Variants in NELL1 observed in about 807,000 individuals in gnomAD.
NELL1 encodes protein kinase C-binding protein NELL1.
A neutral mutation model predicts 107.4 loss-of-function variants in NELL1; 76 were observed. The ratio of observed to expected loss-of-function variants is 0.71; its 90% CI spans 0.59 to 0.86. The LOEUF (loss-of-function observed/expected upper bound fraction) is 0.86. NELL1 is among the 40% of genes least tolerant of loss of function. The pLI is 0.00. For synonymous variants in NELL1, 353 were observed against 341.2 expected, an observed-to-expected ratio of 1.03 and a Z score of -0.38; for missense variants, 1,024 against 1,005.5, an observed-to-expected ratio of 1.02 and a Z score of -0.25.
intron 12 of NELL1, among the ~76,000 whole-genome samples, chr11:21,053,532 C>A (rs1226622784): frequency 6.6e-6 from 1 of 152,104 alleles, no homozygotes; most frequent in African/African-American, 2.4e-5. Flanking sequence ...AGGGCAGGAG[C>A]CCTCCTCAGG....
At chr11:20,936,979 C>T (rs1366535503) in intron 9 of NELL1, among the ~76,000 whole-genome samples, 1 of 152,002 alleles carries the variant, frequency 6.6e-6, no homozygotes, top group Non-Finnish European at 1.5e-5. Flanking sequence ...CTCATCAGGG[C>T]AGGAGAGGGA....
At chr11:21,344,123 G>C (rs1190286377) in intron 14 of NELL1, among the ~76,000 whole-genome samples, 2 of 152,124 alleles carry the variant, frequency 1.3e-5, no homozygotes, top group African/African-American at 4.8e-5. Context: ...AGCATCTAAG[G>C]CTTCTAATTT....
At chr11:20,953,792 T>C (rs1851114338) in intron 11 of NELL1, among the ~76,000 whole-genome samples, 1 of 152,188 alleles carries the variant, frequency 6.6e-6, no homozygotes, top group African/African-American at 2.4e-5. Flanking sequence ...CTTTAAAACA[T>C]TGTGTTAGGT....
chr11:21,262,833 TCTC>T (rs1299532153), intron 14 of NELL1, among the ~76,000 whole-genome samples: 2 of 151,914 alleles, frequency 1.3e-5, no homozygotes, highest in Non-Finnish European at 2.9e-5. Flanking sequence ...TTTGGTGACT[TCTC>T]CTGTACTCTT....
chr11:21,422,391 C>T (rs932455953), intron 15 of NELL1, among the ~76,000 whole-genome samples: 1 of 151,930 alleles, frequency 6.6e-6, no homozygotes, highest in Non-Finnish European at 1.5e-5. Flanking sequence ...GAGACTAATA[C>T]ATAAAAGAAA....
intron 2 of NELL1, among the ~76,000 whole-genome samples, chr11:20,762,833 C>T (rs890320752): frequency 6.6e-6 from 1 of 151,954 alleles, no homozygotes. Context: ...TTTGGTATGC[C>T]TGGTATGGGG....
At chr11:21,141,589 G>A (rs886857146) in intron 13 of NELL1, among the ~76,000 whole-genome samples, 1 of 152,070 alleles carries the variant, frequency 6.6e-6, no homozygotes, top group African/African-American at 2.4e-5. Flanking sequence ...TAAATTGATG[G>A]TAGTATATGA....
At chr11:21,255,139 T>C (rs1487488768) in intron 14 of NELL1, among the ~76,000 whole-genome samples, 2 of 151,900 alleles carry the variant, frequency 1.3e-5, no homozygotes, top group African/African-American at 4.8e-5. Flanking sequence ...CTGGGTGGAG[T>C]GGTCTTAAAA....
At chr11:21,436,338 C>A (rs888660426) in intron 15 of NELL1, among the ~76,000 whole-genome samples, 1 of 152,156 alleles carries the variant, frequency 6.6e-6, no homozygotes, top group African/African-American at 2.4e-5. Context: ...CAGGCATGAA[C>A]CACTGTGCTC....
intron 12 of NELL1, among the ~76,000 whole-genome samples, chr11:21,019,137 A>G (rs1219533619): frequency 6.6e-6 from 1 of 152,092 alleles, no homozygotes; most frequent in Admixed American, 6.6e-5. Context: ...CAAATACTTA[A>G]CCTTTCTGAG....
At chr11:20,930,640 C>T (rs1850598807) in intron 9 of NELL1, among the ~76,000 whole-genome samples, 1 of 152,148 alleles carries the variant, frequency 6.6e-6, no homozygotes, top group Non-Finnish European at 1.5e-5. Flanking sequence ...TGAACATTTT[C>T]AAGGCCCTGG....
chr11:21,575,656 T>C lies in NELL1; in HGVS notation c.*634T>C, dbSNP rs1305343359. ...CCAAAAACATAATCAAAGAATAATT[T>C]TAAAGAGAATTCTTGTCTCTCTTGC... On this transcript the variant is annotated 3_prime_UTR_variant, in exon 20 of 20. Coordinates refer to ENST00000357134, the MANE Select transcript of NELL1 (RefSeq NM_006157.5). The C allele has an allele frequency of 6.6e-6, 1 of 151,802 alleles. No individual in the cohort carries two copies. The highest frequency in any genetic ancestry group is 1.5e-5 in the Non-Finnish European group (1 of 67,840). 9.4% of individuals were successfully genotyped at this position (151,802 alleles called of 1,614,324 possible). A position where few individuals can be genotyped will look rare whatever the true frequency, so the allele number is the denominator to read the frequency against.
At chr11:21,319,620 G>C (rs780989693) in intron 14 of NELL1, among the ~76,000 whole-genome samples, 1 of 151,480 alleles carries the variant, frequency 6.6e-6, no homozygotes, top group Non-Finnish European at 1.5e-5. Flanking sequence ...GGGATTACAA[G>C]CGTGTGTCAC....
chr11:20,927,441 A>G lies in NELL1; in HGVS notation c.893A>G (p.Lys298Arg), dbSNP rs779145383. The change falls in exon 8 of 20, where the codon AAA (lysine) becomes AGA (arginine). Residue 298 changes from lysine to arginine, a missense_variant and splice_region_variant. Coordinates refer to ENST00000357134, the MANE Select transcript of NELL1 (RefSeq NM_006157.5). ...DGDHCRNCTC[K>R]SGAVECRRMS... ...GACCATTGCAGGAACTGCACTTGCA[A>G]AGTAAGCCTCTTTGTAAATAAATAC... 1.2e-6 allele frequency: 2 copies of G among 1,607,718 alleles called. No homozygotes were observed. The highest frequency in any genetic ancestry group is 3.5e-5 in the Admixed American group (2 of 57,920).
intron 15 of NELL1, among the ~76,000 whole-genome samples, chr11:21,525,801 C>T (rs569362525): frequency 6.6e-6 from 1 of 152,146 alleles, no homozygotes; most frequent in Non-Finnish European, 1.5e-5. Flanking sequence ...TCTCATGAGA[C>T]TTATTCACTA....
intron 15 of NELL1, among the ~76,000 whole-genome samples, chr11:21,433,856 G>A (rs544817262): frequency 6.6e-6 from 1 of 152,026 alleles, no homozygotes; most frequent in Non-Finnish European, 1.5e-5. Flanking sequence ...TGAACTTTTA[G>A]TAGAGATGGG....
chr11:21,148,132 G>A (rs1856028933), intron 13 of NELL1, among the ~76,000 whole-genome samples: 1 of 152,136 alleles, frequency 6.6e-6, no homozygotes, highest in Admixed American at 6.5e-5. Flanking sequence ...CATCTCTGTT[G>A]TCAAAGAACC....
At chr11:20,852,064 T>C (rs1298943727) in intron 4 of NELL1, among the ~76,000 whole-genome samples, 1 of 152,224 alleles carries the variant, frequency 6.6e-6, no homozygotes, top group Non-Finnish European at 1.5e-5. Context: ...CTTTTTGTAA[T>C]ATGCCGGCAT....
chr11:21,020,910 A>G (rs1029137203), intron 12 of NELL1, among the ~76,000 whole-genome samples: 4 of 151,778 alleles, frequency 2.6e-5, no homozygotes, highest in African/African-American at 9.7e-5. Context: ...ACCAAATAGC[A>G]GTGATCTGTG....
Sources: allele counts gnomAD v4.1 joint callset (sites outside exome capture counted in the v4.1 genomes callset), GRCh38; gene constraint gnomAD v4.1.1; transcripts MANE v1.5; gene names NCBI Gene and HGNC (gene_info 2026-07-23, HGNC 2026-07-21).